The following NUBPL variants were observed in gnomAD, a reference collection of about 807,000 sequenced individuals.
NUBPL encodes the protein iron-sulfur cluster transfer protein NUBPL.
In NUBPL, 31 loss-of-function variants were observed where a neutral mutation model predicts 45.7. The ratio of observed to expected loss-of-function variants is 0.68; its 90% confidence interval spans 0.51 to 0.92. NUBPL has a LOEUF of 0.92. NUBPL is among the 40% of genes least tolerant of loss of function. NUBPL has a pLI of 0.00. For missense variants in NUBPL, 401 were observed against 398.7 expected (o/e 1.01, Z -0.05); for synonymous variants, 144 against 140.9 (o/e 1.02, Z -0.15).
chr14:31,596,986 A>C (rs981673213), intron 3 of NUBPL, among the ~76,000 whole-genome samples: 3 of 152,184 alleles, frequency 2.0e-5, no homozygotes, highest in African/African-American at 7.2e-5. Flanking sequence ...TGATTTGTCC[A>C]TAGGGCTGGC....
chr14:31,669,948 G>A (rs947101723), intron 4 of NUBPL, among the ~76,000 whole-genome samples: 1 of 151,916 alleles, frequency 6.6e-6, no homozygotes, highest in Non-Finnish European at 1.5e-5. Context: ...ACATTTGTGT[G>A]CATGTGTCTT....
At chr14:31,740,264 C>G (rs1037433060) in intron 6 of NUBPL, among the ~76,000 whole-genome samples, 4 of 152,164 alleles carry the variant, frequency 2.6e-5, no homozygotes, top group Admixed American at 2.6e-4. Context: ...TTTGCATCCC[C>G]ACCAGCAAGA....
chr14:31,823,597 G>A (rs1050028969), intron 7 of NUBPL, among the ~76,000 whole-genome samples: 19 of 152,010 alleles, frequency 1.2e-4, no homozygotes, highest in African/African-American at 2.9e-4. Flanking sequence ...AGCAGAGGTC[G>A]TTCTAAAAGC....
intron 8 of NUBPL, chr14:31,845,709 G>A (rs2040441502): frequency 6.6e-6 from 1 of 152,328 alleles, no homozygotes; most frequent in Non-Finnish European, 1.5e-5. Context: ...TAAAGTTCTT[G>A]TGAAGAGTAA....
At chr14:31,688,327 C>A (rs935262870) in intron 6 of NUBPL, among the ~76,000 whole-genome samples, 1 of 152,020 alleles carries the variant, frequency 6.6e-6, no homozygotes, top group African/African-American at 2.4e-5. Flanking sequence ...CCTGTAATCC[C>A]AGCACTTTGG....
intron 4 of NUBPL, among the ~76,000 whole-genome samples, chr14:31,672,270 G>A (rs866689728): frequency 3.0e-5 from 2 of 66,852 alleles, no homozygotes; most frequent in Non-Finnish European, 5.7e-5. Context: ...GGACTGATTA[G>A]ATATGTGTGT....
chr14:31,841,931 T>TTG (rs1566593630), intron 8 of NUBPL, among the ~76,000 whole-genome samples: 21 of 123,040 alleles, frequency 1.7e-4, no homozygotes, highest in Admixed American at 4.1e-4. Flanking sequence ...TTTTTTTTTT[T>TTG]TTTTTTTTTT....
chr14:31,600,542 AT>A (rs1404810023), intron 4 of NUBPL, among the ~76,000 whole-genome samples: 1 of 152,192 alleles, frequency 6.6e-6, no homozygotes, highest in East Asian at 1.9e-4. Context: ...CTTGAAATTG[AT>A]TTTTTTCTTT....
rs116231114 is a variant in NUBPL, at chr14:31,837,943, G to A, written c.694-8528G>A. Among the ~76,000 whole-genome samples the A allele has an allele frequency of 6.7e-3, 1,022 of 152,242 alleles. 14 individuals are homozygous for A. Among genetic ancestry groups the A allele is most frequent in the African/African-American group, 0.023 (962 of 41,538 alleles). ...CACTGTCTCTGAACAAAGAAAACCA[G>A]TAATGTGTAATGCCTAAGCCTTCAT... On this transcript the variant is annotated intron_variant, in intron 8 of 10. Coordinates refer to ENST00000281081, the MANE Select transcript of NUBPL (RefSeq NM_025152.3).
In NUBPL at chr14:31,562,118, G is replaced by T; in HGVS notation, c.159G>T (p.Met53Ile). Reference protein sequence around the residue: ...ETLKQRRTQIMSRGLPKQKPI... With the variant: ...ETLKQRRTQIISRGLPKQKPI... ...TAAAACAAAGAAGAACACAAATCATGTCCCGAGGACTTCCAAAGCAGAAAC... is the reference window on the plus strand; with the variant it reads ...TAAAACAAAGAAGAACACAAATCATTTCCCGAGGACTTCCAAAGCAGAAAC... Residue 53 changes from methionine (M) to isoleucine (I), a missense_variant, in exon 2 of 11, where the codon ATG (methionine) becomes ATT (isoleucine). Physicochemically the swap from Met to Ile is conservative, Grantham distance 10. Coordinates refer to ENST00000281081, the MANE Select transcript of NUBPL (RefSeq NM_025152.3). 6.2e-7 allele frequency: 1 copy of T among 1,613,220 alleles called. No homozygotes were observed. The highest frequency in any genetic ancestry group is 1.1e-5 in the South Asian group (1 of 90,992).
chr14:31,774,906 A>C (rs946457732), intron 6 of NUBPL, among the ~76,000 whole-genome samples: 1 of 152,168 alleles, frequency 6.6e-6, no homozygotes, highest in Non-Finnish European at 1.5e-5. Context: ...ACCAGTCCTC[A>C]TCTTGAGGCT....
At chr14:31,855,340 G>T (rs771955814) in intron 10 of NUBPL, among the ~76,000 whole-genome samples, 1 of 152,174 alleles carries the variant, frequency 6.6e-6, no homozygotes, top group Non-Finnish European at 1.5e-5. Context: ...CAGCAGAGAA[G>T]AACCCATTTT....
rs528047015 is a variant in NUBPL, at chr14:31,633,512, G to A, written c.382+34133G>A. Among the ~76,000 whole-genome samples the A allele has an allele frequency of 2.1e-3, 317 of 152,176 alleles. 1 individual carries two copies. Among genetic ancestry groups the A allele is most frequent in the African/African-American group, 7.3e-3 (302 of 41,528 alleles). On this transcript the variant is annotated intron_variant, in intron 4 of 10. Transcript: ENST00000281081. The stretch of plus-strand genomic sequence containing the variant: ...TATTTAATGATTGAGATTCAGTCAC[G>A]CGCATTATTAGTGAAGTGCCAACAT...
chr14:31,843,584 T>C (rs942136848), intron 8 of NUBPL, among the ~76,000 whole-genome samples: 1 of 152,198 alleles, frequency 6.6e-6, no homozygotes, highest in Non-Finnish European at 1.5e-5. Context: ...GACACCTTAA[T>C]ATAGCCTACA....
chr14:31,758,690 A>G (rs1236979694), intron 6 of NUBPL, among the ~76,000 whole-genome samples: 1 of 152,236 alleles, frequency 6.6e-6, no homozygotes, highest in East Asian at 1.9e-4. Flanking sequence ...AAATAAATGC[A>G]TAGAAGAGAT....
intron 3 of NUBPL, among the ~76,000 whole-genome samples, chr14:31,573,453 G>A (rs1344054946): frequency 6.6e-6 from 1 of 152,120 alleles, no homozygotes; most frequent in African/African-American, 2.4e-5. Flanking sequence ...TGGTAGATGT[G>A]TATTTGAATG....
At position 31,597,279 on chromosome 14, in the gene NUBPL, T is replaced by A. The variant is rs188498609; in HGVS notation, c.292-2010T>A. On this transcript the variant is annotated intron_variant, in intron 3 of 10. Coordinates refer to ENST00000281081, the MANE Select transcript of NUBPL (RefSeq NM_025152.3). ...TCTAGGAAGCAGAAGAATTCGAAAA[T>A]CTTGTAATTTCCCCCTCCTCCTTAA... 2.1e-3 allele frequency among the ~76,000 whole-genome samples: 326 copies of A among 152,290 alleles called. 1 individual carries two copies. The highest frequency in any genetic ancestry group is 0.014 in the Middle Eastern group (4 of 294).
intron 6 of NUBPL, among the ~76,000 whole-genome samples, chr14:31,734,172 A>G (rs1299095107): frequency 6.6e-6 from 1 of 152,154 alleles, no homozygotes; most frequent in Non-Finnish European, 1.5e-5. Flanking sequence ...TTTTCTGTCT[A>G]TGTTCACGGG....
chr14:31,642,239 C>G (rs144522954), intron 4 of NUBPL, among the ~76,000 whole-genome samples: 1 of 152,106 alleles, frequency 6.6e-6, no homozygotes, highest in Non-Finnish European at 1.5e-5. Flanking sequence ...TGAGTTCTTA[C>G]ATTTAAAGAT....
Sources: gnomAD v4.1 joint callset for allele counts (sites outside exome capture counted in the v4.1 genomes callset) on GRCh38, gnomAD v4.1.1 for gene constraint, MANE v1.5 for transcripts, NCBI Gene and HGNC (gene_info 2026-07-23, HGNC 2026-07-21) for gene names.